Variants in TRABD2A observed in about 807,000 individuals in gnomAD.
TRABD2A encodes the protein metalloprotease TIKI1.
Under a neutral mutation model 45.6 loss-of-function variants are expected in TRABD2A, and 43 were observed. That is an observed-to-expected ratio of 0.94 (90% CI 0.74 to 1.22). The LOEUF is 1.22. TRABD2A is among the 50% of genes most tolerant of loss of function. TRABD2A has a pLI of 0.00. For synonymous variants in TRABD2A, 269 were observed against 265.0 expected, an observed-to-expected ratio of 1.02 and a Z score of -0.15; for missense variants, 642 against 652.4, an observed-to-expected ratio of 0.98 and a Z score of 0.17.
rs574237950 is a variant in TRABD2A, at chr2:84,849,937, C to A, written c.670-7930G>T. Among the ~76,000 whole-genome samples the A allele has an allele frequency of 9.2e-5, 14 of 152,254 alleles. No individual in the cohort carries two copies. The South Asian group carries it at 2.9e-3, about 32-fold the overall frequency. On this transcript the variant is annotated intron_variant, in intron 2 of 6. Coordinates refer to ENST00000409520, the MANE Select transcript of TRABD2A (RefSeq NM_001277053.2). ...AGTCGTAGTGTTTTCTACGGTTTTTCCAAAGAAACATAAGCCTTTCTATGG... is the reference window on the plus strand; with the variant it reads ...AGTCGTAGTGTTTTCTACGGTTTTTACAAAGAAACATAAGCCTTTCTATGG...
At chr2:84,870,112 CAA>C (rs1682822768) in intron 2 of TRABD2A, 111 bp downstream of exon 2, 3 of 1,141,466 alleles carry the variant, frequency 2.6e-6, no homozygotes, top group African/African-American at 3.1e-5. Flanking sequence ...CATTTTTAAG[CAA>C]AGACAATTTC....
intron 5 of TRABD2A, among the ~76,000 whole-genome samples, chr2:84,825,313 G>C (rs919584827): frequency 2.6e-5 from 4 of 152,190 alleles, no homozygotes; most frequent in Non-Finnish European, 5.9e-5. Context: ...AACCTGAGAA[G>C]TCAGTTAGTA....
chr2:84,828,231 C>G (rs988565629), intron 5 of TRABD2A, among the ~76,000 whole-genome samples: 17 of 152,118 alleles, frequency 1.1e-4, no homozygotes, highest in Admixed American at 1.1e-3. Flanking sequence ...GCTAGTTGCC[C>G]TCCCCACACA....
At chr2:84,844,115 C>T (rs1273741792) in intron 2 of TRABD2A, 1 of 152,198 alleles carries the variant, frequency 6.6e-6, no homozygotes, top group African/African-American at 2.4e-5. Context: ...CTTCCCATCC[C>T]TCTATTGGTC....
At chr2:84,869,382 A>G (rs1375113968) in intron 2 of TRABD2A, among the ~76,000 whole-genome samples, 1 of 152,224 alleles carries the variant, frequency 6.6e-6, no homozygotes, top group East Asian at 1.9e-4. Context: ...TTAATCAAGT[A>G]TTACTTATGA....
chr2:84,857,057 G>A (rs554947257), intron 2 of TRABD2A, among the ~76,000 whole-genome samples: 5 of 151,968 alleles, frequency 3.3e-5, no homozygotes, highest in Non-Finnish European at 7.4e-5. Context: ...AGAAGACACC[G>A]TCTGCAAGCC....
intron 2 of TRABD2A, among the ~76,000 whole-genome samples, chr2:84,846,789 C>A (rs758363123): frequency 8.5e-5 from 13 of 152,344 alleles, no homozygotes; most frequent in African/African-American, 1.2e-4. Context: ...AGACCCAAGA[C>A]GGATTCCTGA....
intron 2 of TRABD2A, among the ~76,000 whole-genome samples, chr2:84,850,407 T>C (rs191965791): frequency 6.6e-6 from 1 of 152,108 alleles, no homozygotes; most frequent in East Asian, 1.9e-4. Context: ...TGAACTGCAC[T>C]TGGGGAAGAA....
intron 6 of TRABD2A, among the ~76,000 whole-genome samples, chr2:84,823,464 G>A (rs1299916726): frequency 6.6e-6 from 1 of 152,150 alleles, no homozygotes; most frequent in Non-Finnish European, 1.5e-5. Context: ...CAGAAGCCTT[G>A]TGCCCTGCAG....
chr2:84,874,848 C>G (rs1573958262), intron 1 of TRABD2A: 1 of 187,918 alleles, frequency 5.3e-6, no homozygotes. Flanking sequence ...CTTCTGCCCT[C>G]GAAGCCTTCA....
At chr2:84,846,572 C>T (rs556673588) in intron 2 of TRABD2A, among the ~76,000 whole-genome samples, 1 of 152,270 alleles carries the variant, frequency 6.6e-6, no homozygotes, top group Admixed American at 6.5e-5. Context: ...ACACAGTGGT[C>T]GCTGTATGTC....
chr2:84,865,324 C>G (rs28667360), intron 2 of TRABD2A, among the ~76,000 whole-genome samples: 216 of 152,268 alleles, frequency 1.4e-3, no homozygotes, highest in African/African-American at 5.1e-3. Flanking sequence ...GCCAAAAAGG[C>G]AAATATGAAA....
intron 2 of TRABD2A, among the ~76,000 whole-genome samples, chr2:84,842,644 G>A (rs1457224788): frequency 1.3e-5 from 2 of 151,218 alleles, no homozygotes; most frequent in Admixed American, 6.6e-5. Context: ...CTAGAGAATC[G>A]TTTGAACCCA....
chr2:84,861,974 G>A (rs1682514416), intron 2 of TRABD2A, among the ~76,000 whole-genome samples: 1 of 152,162 alleles, frequency 6.6e-6, no homozygotes, highest in Non-Finnish European at 1.5e-5. Context: ...AAGAGTTCAG[G>A]GAGGTACACA....
In TRABD2A at chr2:84,823,995, C is replaced by G. The variant is rs770369663; in HGVS notation, c.1292G>C (p.Arg431Pro). ...CCACAGATCGCTGAATTGCCGGAGT[C>G]GCGGCCTCCGCTGTGACCGCCTCCG... ...KKRRRSQRRP[R>P]LRQFSDLWVR... The change falls in exon 6 of 7, where the codon CGA becomes CCA. Residue 431 changes from arginine (R) to proline (P), a missense_variant. By Grantham distance (103) the Arg-to-Pro change is moderately radical. Coordinates refer to ENST00000409520, the MANE Select transcript of TRABD2A (RefSeq NM_001277053.2). The G allele has an allele frequency of 1.2e-6, 2 of 1,613,896 alleles. No individual in the cohort carries two copies. The highest frequency in any genetic ancestry group is 1.7e-6 in the Non-Finnish European group (2 of 1,179,880).
At chr2:84,847,729 A>C (rs1681945008) in intron 2 of TRABD2A, among the ~76,000 whole-genome samples, 1 of 152,182 alleles carries the variant, frequency 6.6e-6, no homozygotes, top group East Asian at 1.9e-4. Context: ...AACGTTTTTC[A>C]TGTGTTGTGT....
At position 84,821,713 on chromosome 2, in the gene TRABD2A, A is replaced by G. The variant is rs1487944985; in HGVS notation, c.*204T>C. On this transcript the variant is annotated 3_prime_UTR_variant, in exon 7 of 7. Coordinates refer to ENST00000409520, the MANE Select transcript of TRABD2A (RefSeq NM_001277053.2). ...ATAATTTATTTTCACACAACTCACTATGTTACAAAACTGTACACCTGCCCC... is the reference window on the plus strand; with the variant it reads ...ATAATTTATTTTCACACAACTCACTGTGTTACAAAACTGTACACCTGCCCC... The G allele has an allele frequency of 4.7e-6, 2 of 422,232 alleles. No individual in the cohort carries two copies. Among genetic ancestry groups the G allele is most frequent in the Non-Finnish European group, 8.3e-6 (2 of 240,376 alleles). 26.2% of individuals were successfully genotyped at this position (422,232 alleles called of 1,614,324 possible). A position where few individuals can be genotyped will look rare whatever the true frequency, so the allele number is the denominator to read the frequency against.
chr2:84,854,844 C>T (rs181178218), intron 2 of TRABD2A, among the ~76,000 whole-genome samples: 1 of 152,182 alleles, frequency 6.6e-6, no homozygotes, highest in Non-Finnish European at 1.5e-5. Flanking sequence ...CCTTGCCCCC[C>T]CAGAGATCAT....
chr2:84,869,348 T>C (rs1264899532), intron 2 of TRABD2A, among the ~76,000 whole-genome samples: 2 of 152,194 alleles, frequency 1.3e-5, no homozygotes, highest in Non-Finnish European at 2.9e-5. Context: ...ACAACTTTTA[T>C]GGAAACAACT....
Sources: gnomAD v4.1 joint callset for allele counts (sites outside exome capture counted in the v4.1 genomes callset) on GRCh38, gnomAD v4.1.1 for gene constraint, MANE v1.5 for transcripts, NCBI Gene and HGNC (gene_info 2026-07-23, HGNC 2026-07-21) for gene names.